The following HIVEP1 variants were observed in gnomAD, a reference collection of about 807,000 sequenced individuals.
HIVEP1 encodes HIVEP zinc finger 1, also known as zinc finger protein 40.
HIVEP1 carries 36 observed loss-of-function variants against 180.0 expected under a neutral mutation model. The observed-to-expected ratio is 0.20, with a 90% CI of 0.15 to 0.26. The LOEUF (loss-of-function observed/expected upper bound fraction) is 0.26, where lower values mean the gene tolerates loss of function less well. HIVEP1 is among the 10% of genes least tolerant of loss of function. The probability of loss-of-function intolerance (pLI) is 1.00; values close to 1 mark genes in which losing one functional copy is unlikely to be tolerated. For missense variants in HIVEP1, 3,143 were observed against 3,268.7 expected (o/e 0.96, Z 0.94); for synonymous variants, 1,239 against 1,239.0 (o/e 1.00, Z 0.00).
intron 6 of HIVEP1, among the ~76,000 whole-genome samples, chr6:12,133,434 T>G (rs1758537461): frequency 6.6e-6 from 1 of 152,198 alleles, no homozygotes; most frequent in South Asian, 2.1e-4. Context: ...ATTTATTAAA[T>G]TAACACCAGG....
intron 7 of HIVEP1, among the ~76,000 whole-genome samples, chr6:12,144,648 A>C (rs1759254763): frequency 6.6e-6 from 1 of 152,228 alleles, no homozygotes; most frequent in Admixed American, 6.5e-5. Context: ...AATATCCAGA[A>C]TCTACAAATA....
chr6:12,130,636 A>T (rs897547650), intron 5 of HIVEP1, 131 bp from the exon 6 acceptor site: 1 of 526,644 alleles, frequency 1.9e-6, no homozygotes, highest in Non-Finnish European at 3.4e-6. Flanking sequence ...TCTGTTACAC[A>T]TGCATAAAAT....
At chr6:12,153,682 C>T (rs72828107) in intron 7 of HIVEP1, among the ~76,000 whole-genome samples, 1 of 151,198 alleles carries the variant, frequency 6.6e-6, no homozygotes, top group Non-Finnish European at 1.5e-5. Context: ...TCCTGTGCTT[C>T]CAAGTTAACC....
chr6:12,035,700 G>A (rs1769234525), intron 2 of HIVEP1, among the ~76,000 whole-genome samples: 1 of 152,176 alleles, frequency 6.6e-6, no homozygotes, highest in Admixed American at 6.5e-5. Flanking sequence ...CGGAGTGGAT[G>A]TTTGGAGGGG....
chr6:12,132,079 A>G (rs1357177436), intron 6 of HIVEP1, among the ~76,000 whole-genome samples: 1 of 152,170 alleles, frequency 6.6e-6, no homozygotes, highest in Non-Finnish European at 1.5e-5. Context: ...TGAATATTTC[A>G]AAAAAGTTTC....
chr6:12,207,879 G>A, the HIVEP1 span, among the ~76,000 whole-genome samples: 18 of 143,738 alleles, frequency 1.3e-4, no homozygotes, highest in African/African-American at 4.4e-4. Context: ...TCACACCACT[G>A]CACTCCAGCC....
the HIVEP1 span, among the ~76,000 whole-genome samples, chr6:12,182,822 A>G: frequency 6.6e-6 from 1 of 152,230 alleles, no homozygotes; most frequent in Non-Finnish European, 1.5e-5. Context: ...TGCAAGTAGA[A>G]GGTGTCATTA....
At position 12,105,383 on chromosome 6, in the gene HIVEP1, T is replaced by C. The variant is rs572673750; in HGVS notation, c.95-14507T>C. On this transcript the variant is annotated intron_variant, in intron 3 of 8. Transcript: ENST00000379388. ...CCAGCCTTTTAGCTGCTCTTTTGAA[T>C]AGACAAACCCTCCCTAATCAAAAGG... Among the ~76,000 whole-genome samples the C allele has an allele frequency of 1.2e-4, 18 of 152,336 alleles. 2 individuals carry two copies. The highest frequency in any genetic ancestry group is 4.3e-4 in the African/African-American group (18 of 41,570).
chr6:12,008,627 T>C (rs1767122751), upstream of HIVEP1: 1 of 151,948 alleles, frequency 6.6e-6, no homozygotes, highest in Non-Finnish European at 1.5e-5. Context: ...GCGGAAGATC[T>C]GTCTATCTTC....
chr6:12,159,598 A>T (rs957861705), intron 7 of HIVEP1, among the ~76,000 whole-genome samples: 3 of 152,192 alleles, frequency 2.0e-5, no homozygotes, highest in African/African-American at 7.2e-5. Flanking sequence ...CCTATAAAAA[A>T]TTTTTAAAAT....
At chr6:12,043,606 A>G (rs1036917509) in intron 2 of HIVEP1, among the ~76,000 whole-genome samples, 3 of 152,086 alleles carry the variant, frequency 2.0e-5, no homozygotes, top group Non-Finnish European at 2.9e-5. Context: ...ACCTCAGGTG[A>G]TCCACCTGCC....
intron 3 of HIVEP1, among the ~76,000 whole-genome samples, chr6:12,102,037 A>T (rs184937964): frequency 1.1e-4 from 17 of 152,296 alleles, no homozygotes; most frequent in African/African-American, 3.4e-4. Context: ...GTGTCAATCC[A>T]TCAGGAAGGT....
At chr6:12,184,012 GA>G in the HIVEP1 span, among the ~76,000 whole-genome samples, 5 of 144,048 alleles carry the variant, frequency 3.5e-5, no homozygotes, top group East Asian at 9.7e-4. Context: ...TAGATAGATA[GA>G]TAGATAGATA....
At chr6:12,200,762 G>T in the HIVEP1 span, among the ~76,000 whole-genome samples, 1 of 152,210 alleles carries the variant, frequency 6.6e-6, no homozygotes, top group Non-Finnish European at 1.5e-5. Flanking sequence ...CTCATGCCTG[G>T]AATATATTTG....
At chr6:12,138,701 C>T (rs1241662980) in intron 7 of HIVEP1, among the ~76,000 whole-genome samples, 1 of 152,092 alleles carries the variant, frequency 6.6e-6, no homozygotes, top group African/African-American at 2.4e-5. Context: ...GATGATGCCC[C>T]AGTTCATTCC....
In HIVEP1 at chr6:12,120,375, A is replaced by G. The variant is rs746681408; in HGVS notation, c.580A>G (p.Thr194Ala). Residue 194 changes from threonine to alanine, a missense_variant, in exon 4 of 9, where the codon ACT becomes GCT. By Grantham distance (58) the Thr-to-Ala change is moderately conservative. Coordinates refer to ENST00000379388, the MANE Select transcript of HIVEP1 (RefSeq NM_002114.4). ...CGTTSPSYTN[T>A]AFDVLLKAME... is the part of the protein sequence containing the mutation. ...CACTACGTCCCCCTCCTATACAAAC[A>G]CTGCATTCGATGTCTTACTGAAAGC... The G allele has an allele frequency of 6.2e-7, 1 of 1,614,134 alleles. No individual in the cohort carries two copies.
At chr6:12,156,498 C>T (rs1200186939) in intron 7 of HIVEP1, among the ~76,000 whole-genome samples, 1 of 152,052 alleles carries the variant, frequency 6.6e-6, no homozygotes, top group Non-Finnish European at 1.5e-5. Flanking sequence ...GGACTCTTTC[C>T]CCCCATCACT....
At position 12,063,692 on chromosome 6, in the gene HIVEP1, G is replaced by GTATT. The variant is rs1055949661; in HGVS notation, c.41-25491_41-25488dup. Among the ~76,000 whole-genome samples the GTATT allele has an allele frequency of 1.3e-5, 2 of 152,172 alleles. No individual in the cohort carries two copies. Among genetic ancestry groups the GTATT allele is most frequent in the African/African-American group, 4.8e-5 (2 of 41,448 alleles). ...ATCAGAGGACTTGGGGATTGCCAGA[G>GTATT]TATTACACATTTGACAGCACTTAAT... On this transcript the variant is annotated intron_variant, in intron 2 of 8. Coordinates refer to ENST00000379388, the MANE Select transcript of HIVEP1 (RefSeq NM_002114.4). The surrounding 1 kb of genome is among the most constrained non-coding windows in gnomAD (Gnocchi z 4.2).
Position 12,163,559 on chromosome 6 carries a change from C to A in HIVEP1, c.7255C>A (p.Leu2419Ile), listed in dbSNP as rs769336496. The A allele has an allele frequency of 5.0e-6, 8 of 1,614,206 alleles. No individual in the cohort carries two copies. The highest frequency in any genetic ancestry group is 6.8e-6 in the Non-Finnish European group (8 of 1,180,028). ...AGLTYSTFVPLQAGPVQLTIP... is the reference protein window; with the variant it reads ...AGLTYSTFVPIQAGPVQLTIP... ...CCTCACATACTCCACGTTTGTGCCC[C>A]TTCAGGCTGGACCAGTGCAGCTCAC... The change falls in exon 9 of 9, where the codon CTT becomes ATT. Residue 2419 changes from leucine (L) to isoleucine (I), a missense_variant. Leu to Ile is a conservative substitution (Grantham distance 5). Transcript: ENST00000379388.
Sources: gnomAD v4.1 joint callset for allele counts (sites outside exome capture counted in the v4.1 genomes callset) on GRCh38, gnomAD v4.1.1 for gene constraint, Gnocchi (gnomAD v3.1) non-coding constraint, MANE v1.5 for transcripts, NCBI Gene and HGNC (gene_info 2026-07-23, HGNC 2026-07-21) for gene names.